Variants in SLC45A3 observed in about 807,000 individuals in gnomAD.
SLC45A3 encodes solute carrier family 45 member 3, also known as prostate cancer associated protein 2.
Under a neutral mutation model 35.3 loss-of-function variants are expected in SLC45A3, and 17 were observed. The observed-to-expected ratio is 0.48, with a 90% confidence interval of 0.33 to 0.72. The LOEUF is 0.72. Ranked by LOEUF, SLC45A3 falls within the 30% of genes least tolerant of loss-of-function variation. SLC45A3 has a pLI of 0.02. For missense variants in SLC45A3, 597 were observed against 731.7 expected, an observed-to-expected ratio of 0.82 and a Z score of 2.12; for synonymous variants, 288 against 334.3, an observed-to-expected ratio of 0.86 and a Z score of 1.51.
intron 1 of SLC45A3, among the ~76,000 whole-genome samples, chr1:205,672,370 G>A (rs1260433731): frequency 6.6e-6 from 1 of 152,188 alleles, no homozygotes; most frequent in African/African-American, 2.4e-5. Context: ...GGCTGAGAAG[G>A]GAGGTAGAAG....
At chr1:205,670,188 G>A (rs1447077396) in intron 1 of SLC45A3, among the ~76,000 whole-genome samples, 1 of 152,238 alleles carries the variant, frequency 6.6e-6, no homozygotes, top group African/African-American at 2.4e-5. Context: ...CTGGAAATGA[G>A]CATTCTTGTG....
In SLC45A3 at chr1:205,662,183, T is replaced by A; in HGVS notation, c.959-57A>T. 6.4e-7 allele frequency: 1 copy of A among 1,553,154 alleles called. No homozygotes were observed. The highest frequency in any genetic ancestry group is 8.7e-7 in the Non-Finnish European group (1 of 1,148,076). ...CTGGGAGGGAAGGGTCGGAGCAGTC[T>A]CAGGGAGATGAGAAGGCGGAACCAC... On this transcript the variant is annotated intron_variant, in intron 3 of 4. Coordinates refer to ENST00000367145, the MANE Select transcript of SLC45A3 (RefSeq NM_033102.3). This position sits in a 1 kb window ranked among gnomAD's most constrained non-coding sequence, Gnocchi z 6.2.
intron 1 of SLC45A3, among the ~76,000 whole-genome samples, chr1:205,665,234 A>G (rs924217883): frequency 6.6e-5 from 10 of 152,132 alleles, no homozygotes; most frequent in African/African-American, 2.4e-4. Flanking sequence ...CCAGCTATCA[A>G]GGTGCCCCTG....
At chr1:205,661,478 C>T (rs1215947140) in intron 4 of SLC45A3, among the ~76,000 whole-genome samples, 4 of 152,280 alleles carry the variant, frequency 2.6e-5, no homozygotes, top group African/African-American at 9.6e-5. Context: ...TAAGGCTGGA[C>T]CATTCCCACT....
intron 1 of SLC45A3, among the ~76,000 whole-genome samples, chr1:205,667,789 G>GC (rs1339262422): frequency 2.0e-5 from 3 of 151,910 alleles, no homozygotes; most frequent in Admixed American, 1.3e-4. Flanking sequence ...AAGTTCCCAG[G>GC]CCCCCCAGGA....
rs1671179060 is a variant in SLC45A3 at position 205,669,781 on chromosome 1, A to C, written c.-230-4895T>G. ...CCGCAGCCCTCCCCACAGAAGGGGA[A>C]ATCGGGGGCTGGTGAGGCACGAGGA... On this transcript the variant is annotated intron_variant, in intron 1 of 4. Coordinates refer to ENST00000367145, the MANE Select transcript of SLC45A3 (RefSeq NM_033102.3). This position sits in a 1 kb window ranked among gnomAD's most constrained non-coding sequence, Gnocchi z 4.1. Among the ~76,000 whole-genome samples the C allele has an allele frequency of 6.6e-6, 1 of 152,200 alleles. No homozygotes were observed. Among genetic ancestry groups the C allele is most frequent in the African/African-American group, 2.4e-5 (1 of 41,466 alleles).
At position 205,666,709 on chromosome 1, in the gene SLC45A3, G is replaced by A. The variant is rs1389730765; in HGVS notation, c.-230-1823C>T. Among the ~76,000 whole-genome samples, 1 of 152,242 alleles carries A rather than the reference G, an allele frequency of 6.6e-6. No homozygotes were observed. The highest frequency in any genetic ancestry group is 2.4e-5 in the African/African-American group (1 of 41,470). Reference sequence around the variant, plus strand: ...CTACGGAGGTGGCATGAGAAGGGGTGTAAAATACTGACCCATACTGTCTCC... The same window carrying A: ...CTACGGAGGTGGCATGAGAAGGGGTATAAAATACTGACCCATACTGTCTCC... On this transcript the variant is annotated intron_variant, in intron 1 of 4. Transcript: ENST00000367145. The surrounding 1 kb of genome is among the most constrained non-coding windows in gnomAD (Gnocchi z 4.1).
rs762112149 is a variant in SLC45A3 at position 205,661,958 on chromosome 1, G to A, written c.1127C>T (p.Ala376Val). The stretch of plus-strand genomic sequence containing the variant: ...GAGGGCGGCTGAAGCTGTCACCACG[G>A]CCACACTGTGGGACAGGCATGTGGC... ...AGATCLSHSV[A>V]VVTASAALTG... Residue 376 changes from alanine (A) to valine (V), a missense_variant, in exon 4 of 5, where the codon GCC (alanine) becomes GTC (valine). Physicochemically the swap from Ala to Val is moderately conservative, Grantham distance 64. Transcript: ENST00000367145. 4 of 1,614,034 alleles carry A rather than the reference G, an allele frequency of 2.5e-6. No individual in the cohort carries two copies. The highest frequency in any genetic ancestry group is 1.3e-5 in the African/African-American group (1 of 74,902).
In SLC45A3 at chr1:205,662,510, A is replaced by G. The variant is rs1671045671; in HGVS notation, c.958+323T>C. 1.6e-6 allele frequency: 2 copies of G among 1,286,138 alleles called. No homozygotes were observed. The highest frequency in any genetic ancestry group is 3.8e-5 in the Admixed American group (1 of 26,650). The allele number at this position is 1,286,138 out of a possible 1,614,324, so 79.7% of individuals were successfully genotyped here. Reference sequence around the variant, plus strand: ...AAGTCGTTGGGGGAGCAGAGGGCACACTGCGGCTGGAACCAGGCAGATCTG... The same window carrying G: ...AAGTCGTTGGGGGAGCAGAGGGCACGCTGCGGCTGGAACCAGGCAGATCTG... On this transcript the variant is annotated intron_variant, in intron 3 of 4. Transcript: ENST00000367145. The surrounding 1 kb of genome is among the most constrained non-coding windows in gnomAD (Gnocchi z 6.2).
At position 205,669,647 on chromosome 1, in the gene SLC45A3, C is replaced by T. The variant is rs1316540422; in HGVS notation, c.-230-4761G>A. 6.6e-6 allele frequency among the ~76,000 whole-genome samples: 1 copy of T among 152,200 alleles called. No individual in the cohort carries two copies. The highest frequency in any genetic ancestry group is 2.1e-4 in the South Asian group (1 of 4,834). ...GCACATCAAACGGCTGTAGCCCCCA[C>T]CCTGACCCCGCAGGCTCAGCGACCC... On this transcript the variant is annotated intron_variant, in intron 1 of 4. Coordinates refer to ENST00000367145, the MANE Select transcript of SLC45A3 (RefSeq NM_033102.3). This position sits in a 1 kb window ranked among gnomAD's most constrained non-coding sequence, Gnocchi z 4.1.
At position 205,679,612 on chromosome 1, in the gene SLC45A3, G is replaced by C. The variant is rs145511963; in HGVS notation, c.-231+782C>G. ...CTCTGTCCTTCCCCACCTGAGACCT[G>C]GGAGGCGAGGAGAAAACAGCGGCCT... On this transcript the variant is annotated intron_variant, in intron 1 of 4. Transcript: ENST00000367145. 4.9e-4 allele frequency among the ~76,000 whole-genome samples: 74 copies of C among 151,976 alleles called. 1 individual carries two copies. Among genetic ancestry groups the C allele is most frequent in the Admixed American group, 4.4e-3 (67 of 15,244 alleles).
Position 205,662,446 on chromosome 1 carries a change from GGA to G in SLC45A3, c.959-322_959-321del. On this transcript the variant is annotated intron_variant, in intron 3 of 4. Coordinates refer to ENST00000367145, the MANE Select transcript of SLC45A3 (RefSeq NM_033102.3). This position sits in a 1 kb window ranked among gnomAD's most constrained non-coding sequence, Gnocchi z 6.2. The stretch of plus-strand genomic sequence containing the variant: ...GGCCATAGGCTTCAAGACGCTTCTA[GGA>G]CGCCTGAGCTGGAAGGCGCTGGTGA... 7.6e-7 allele frequency: 1 copy of G among 1,314,590 alleles called. No individual in the cohort carries two copies. The highest frequency in any genetic ancestry group is 9.7e-7 in the Non-Finnish European group (1 of 1,033,780). 81.4% of individuals were successfully genotyped at this position (1,314,590 alleles called of 1,614,324 possible).
Position 205,669,017 on chromosome 1 carries a change from A to G in SLC45A3, c.-230-4131T>C, listed in dbSNP as rs1175183946. Reference sequence around the variant, plus strand: ...ATGCATCCCAATATGTGACACCCCCAGGGCTGGCTCCCACCCCAGCAAGAA... The same window carrying G: ...ATGCATCCCAATATGTGACACCCCCGGGGCTGGCTCCCACCCCAGCAAGAA... On this transcript the variant is annotated intron_variant, in intron 1 of 4. Coordinates refer to ENST00000367145, the MANE Select transcript of SLC45A3 (RefSeq NM_033102.3). The surrounding 1 kb of genome is among the most constrained non-coding windows in gnomAD (Gnocchi z 4.1). 1.3e-5 allele frequency among the ~76,000 whole-genome samples: 2 copies of G among 152,102 alleles called. No individual in the cohort carries two copies. Among genetic ancestry groups the G allele is most frequent in the African/African-American group, 4.8e-5 (2 of 41,422 alleles).
intron 1 of SLC45A3, among the ~76,000 whole-genome samples, chr1:205,679,539 C>CG (rs1173837095): frequency 6.6e-6 from 1 of 152,166 alleles, no homozygotes; most frequent in Non-Finnish European, 1.5e-5. Flanking sequence ...AGAAGCTGCA[C>CG]GGGATGCCTA....
chr1:205,665,691 C>T (rs554534191), intron 1 of SLC45A3, among the ~76,000 whole-genome samples: 1 of 152,306 alleles, frequency 6.6e-6, no homozygotes, highest in South Asian at 2.1e-4. Flanking sequence ...GGCAGCCTTT[C>T]TGTGCTCTTA....
rs1347375621 is a variant in SLC45A3, at chr1:205,669,153, C to T, written c.-230-4267G>A. Among the ~76,000 whole-genome samples the T allele has an allele frequency of 6.6e-6, 1 of 152,182 alleles. No homozygotes were observed. The highest frequency in any genetic ancestry group is 1.9e-4 in the East Asian group (1 of 5,192). On this transcript the variant is annotated intron_variant, in intron 1 of 4. Coordinates refer to ENST00000367145, the MANE Select transcript of SLC45A3 (RefSeq NM_033102.3). This position sits in a 1 kb window ranked among gnomAD's most constrained non-coding sequence, Gnocchi z 4.1. ...CTCCTCCCACGTGCTCGCCACACACCGAGGACTTTGCAGGCCCAACTCCAG... is the reference window on the plus strand; with the variant it reads ...CTCCTCCCACGTGCTCGCCACACACTGAGGACTTTGCAGGCCCAACTCCAG...
intron 1 of SLC45A3, among the ~76,000 whole-genome samples, chr1:205,672,997 A>G (rs1671244658): frequency 6.6e-6 from 1 of 152,156 alleles, no homozygotes; most frequent in Non-Finnish European, 1.5e-5. Context: ...TTGGACTTTC[A>G]TGGCCTCCTA....
rs754551655 is a variant in SLC45A3, at chr1:205,663,220, A to AG, written c.570dup (p.Tyr191LeufsTer29). 2 of 1,613,534 alleles carry AG rather than the reference A, an allele frequency of 1.2e-6. No homozygotes were observed. The highest frequency in any genetic ancestry group is 1.7e-5 in the Admixed American group (1 of 60,018). ...AGGCACTCCTCCTGGGTGCCCAGGT[A>AG]GGGGGCCAGGGCACTGGTGTCCCAG... On this transcript the variant is annotated frameshift_variant, in exon 3 of 5. Coordinates refer to ENST00000367145, the MANE Select transcript of SLC45A3 (RefSeq NM_033102.3). LOFTEE classifies it high-confidence loss of function.
chr1:205,672,469 A>G (rs1671233694), intron 1 of SLC45A3, among the ~76,000 whole-genome samples: 1 of 152,252 alleles, frequency 6.6e-6, no homozygotes, highest in South Asian at 2.1e-4. Context: ...TAACTGCCTC[A>G]GAGGCGTCTA....
Sources: allele counts gnomAD v4.1 joint callset (sites outside exome capture counted in the v4.1 genomes callset), GRCh38; gene constraint gnomAD v4.1.1; non-coding constraint Gnocchi (gnomAD v3.1); transcripts MANE v1.5; gene names NCBI Gene and HGNC (gene_info 2026-07-23, HGNC 2026-07-21).